Variants in ABCA9 observed in about 807,000 individuals in gnomAD.
The protein encoded by ABCA9 is ATP-binding cassette sub-family A member 9.
Under a neutral mutation model 205.3 loss-of-function variants are expected in ABCA9, and 183 were observed. The ratio of observed to expected loss-of-function variants is 0.89; its 90% CI spans 0.79 to 1.01. The LOEUF (loss-of-function observed/expected upper bound fraction) is 1.01. Ranked by LOEUF, ABCA9 falls within the 50% of genes least tolerant of loss-of-function variation. The pLI is 0.00. For synonymous variants in ABCA9, 651 were observed against 683.3 expected, an observed-to-expected ratio of 0.95 and a Z score of 0.74; for missense variants, 1,805 against 1,912.4, an observed-to-expected ratio of 0.94 and a Z score of 1.05.
At chr17:69,044,676 T>C (rs2071652983) in intron 4 of ABCA9, 76 bp from the exon 5 acceptor site, 1 of 1,346,004 alleles carries the variant, frequency 7.4e-7, no homozygotes, top group African/African-American at 1.5e-5. Context: ...TTTCAAATGT[T>C]TCAAAATGCA....
At position 69,021,694 on chromosome 17, in the gene ABCA9, T is replaced by C. The variant is rs536108890; in HGVS notation, c.2401+48A>G. On this transcript the variant is annotated intron_variant, in intron 18 of 38. Coordinates refer to ENST00000340001, the MANE Select transcript of ABCA9 (RefSeq NM_080283.4). ...CTTTCTTTCGTCCTTCCTTCCTTCCTTCCTTTCTTTCTTTCTCCCTTTCTT... is the reference window on the plus strand; with the variant it reads ...CTTTCTTTCGTCCTTCCTTCCTTCCCTCCTTTCTTTCTTTCTCCCTTTCTT... 3.8e-5 allele frequency: 48 copies of C among 1,270,946 alleles called. No individual in the cohort carries two copies. The African/African-American group carries it at 6.6e-4, about 18-fold the overall frequency. 78.7% of individuals were successfully genotyped at this position (1,270,946 alleles called of 1,614,324 possible). A position where few individuals can be genotyped will look rare whatever the true frequency, so the allele number is the denominator to read the frequency against.
intron 31 of ABCA9, among the ~76,000 whole-genome samples, chr17:68,987,954 G>A (rs146593429): frequency 6.6e-6 from 1 of 152,234 alleles, no homozygotes; most frequent in African/African-American, 2.4e-5. Flanking sequence ...GGTAGAGATG[G>A]TGCTTCTCCA....
chr17:68,977,249 C>T (rs1167596991), intron 37 of ABCA9, among the ~76,000 whole-genome samples: 2 of 152,028 alleles, frequency 1.3e-5, no homozygotes, highest in Non-Finnish European at 2.9e-5. Flanking sequence ...GGATGCATCA[C>T]CCACCCCGGG....
In ABCA9 at chr17:69,043,816, G is replaced by A. The variant is rs1463247647; in HGVS notation, c.574-101C>T. 1.4e-5 allele frequency: 14 copies of A among 1,030,070 alleles called. No homozygotes were observed. In the Admixed American group the frequency reaches 3.6e-4, roughly 27 times the overall value. The allele number at this position is 1,030,070 out of a possible 1,614,324, so 63.8% of individuals were successfully genotyped here. On this transcript the variant is annotated intron_variant, in intron 5 of 38. Transcript: ENST00000340001. Reference sequence around the variant, plus strand: ...GGAATCACGTACATTCTACATTTATGTATTTTATGTTTATATGCCCTTCAT... The same window carrying A: ...GGAATCACGTACATTCTACATTTATATATTTTATGTTTATATGCCCTTCAT...
In ABCA9 at chr17:68,982,593, AG is replaced by A; in HGVS notation, c.4688del (p.Pro1563LeufsTer9). On this transcript the variant is annotated frameshift_variant, in exon 37 of 39. Transcript: ENST00000340001. LOFTEE classifies it high-confidence loss of function. ...CTAATTTGAAGAAAGCCTGTGATAA[AG>A]GTCGCACATCCTCAACAGGCAACTT... ...VYKLPVEDVRPLSQAFFKLEI... is the reference protein window; with the variant it reads ...VYKLPVEDVRXLSQAFFKLEI... 3 of 1,614,100 alleles carry A rather than the reference AG, an allele frequency of 1.9e-6. No homozygotes were observed. The East Asian group carries it at 6.7e-5, about 36-fold the overall frequency.
upstream of ABCA9, among the ~76,000 whole-genome samples, chr17:69,063,832 A>G (rs556085216): frequency 5.9e-5 from 9 of 152,304 alleles, no homozygotes; most frequent in African/African-American, 2.2e-4. Context: ...TCGGCCTCCC[A>G]AAGTGTTGGG....
At chr17:68,996,798 T>G (rs988723467) in intron 25 of ABCA9, among the ~76,000 whole-genome samples, 6 of 152,362 alleles carry the variant, frequency 3.9e-5, no homozygotes, top group Middle Eastern at 3.4e-3. Flanking sequence ...GTTACTATTT[T>G]CTTTATATTA....
intron 19 of ABCA9, 123 bp from the exon 20 acceptor site, chr17:69,018,702 C>A (rs1456389439): frequency 6.8e-6 from 5 of 733,254 alleles, no homozygotes; most frequent in Non-Finnish European, 8.4e-6. Context: ...ACATTTGAAT[C>A]ATACTTTGCC....
At chr17:69,003,149 G>A (rs1267267891) in intron 25 of ABCA9, among the ~76,000 whole-genome samples, 8 of 151,172 alleles carry the variant, frequency 5.3e-5, no homozygotes, top group African/African-American at 2.0e-4. Context: ...TGTGAATTTG[G>A]TCCTGTCATT....
chr17:68,984,847 A>G (rs1187336425), intron 34 of ABCA9, 38 bp downstream of exon 34: 3 of 1,613,750 alleles, frequency 1.9e-6, no homozygotes, highest in Non-Finnish European at 1.7e-6. Context: ...CACAGGATCA[A>G]TACACTCATG....
In ABCA9 at chr17:69,049,476, T is replaced by C; in HGVS notation, c.111A>G (p.Ser37=). ...GGTACAGAAACAGTACCAGAAGAAA[T>C]GAAAAGAGCCATTCCTATATAGCAA... ...KRQTLLEWLF[S]FLLVLFLYLF... The change falls in exon 3 of 39, where the codon TCA becomes TCG. Residue 37 remains serine, a synonymous_variant. Transcript: ENST00000340001. 6 of 1,609,848 alleles carry C rather than the reference T, an allele frequency of 3.7e-6. No homozygotes were observed. The highest frequency in any genetic ancestry group is 4.2e-6 in the Non-Finnish European group (5 of 1,178,022).
intron 6 of ABCA9, among the ~76,000 whole-genome samples, chr17:69,037,708 C>T: frequency 6.6e-6 from 1 of 151,848 alleles, no homozygotes; most frequent in East Asian, 1.9e-4. Flanking sequence ...CACAAAATAA[C>T]TAAGATCAGA....
In ABCA9 at chr17:69,049,433, G is replaced by A. The variant is rs765128505; in HGVS notation, c.154C>T (p.His52Tyr). Residue 52 changes from histidine (H) to tyrosine (Y), a missense_variant, in exon 3 of 39, where the codon CAT becomes TAT. His to Tyr is a moderately conservative substitution (Grantham distance 83). Coordinates refer to ENST00000340001, the MANE Select transcript of ABCA9 (RefSeq NM_080283.4). ...LFLYLFFSNL[H>Y]QVHDTPQMSS... ...ATTTGAGGAGTGTCATGAACTTGAT[G>A]TAAATTGGAGAAAAATAGGTACAGA... is the stretch of plus-strand genomic sequence containing the variant. The A allele has an allele frequency of 2.7e-5, 43 of 1,613,002 alleles. No individual in the cohort carries two copies. The highest frequency in any genetic ancestry group is 5.3e-5 in the African/African-American group (4 of 74,860).
intron 25 of ABCA9, among the ~76,000 whole-genome samples, chr17:68,997,493 A>T (rs764191292): frequency 6.7e-6 from 1 of 150,154 alleles, no homozygotes; most frequent in Non-Finnish European, 1.5e-5. Context: ...TGCTTTTGCA[A>T]TTTTTCTTTT....
upstream of ABCA9, among the ~76,000 whole-genome samples, chr17:69,065,791 C>T (rs186606210): frequency 8.3e-4 from 126 of 152,258 alleles, 4 homozygotes; most frequent in East Asian, 0.014. Flanking sequence ...TTCCCATAAT[C>T]CCCATGTGTC....
chr17:69,063,700 G>A (rs1390890165), upstream of ABCA9, among the ~76,000 whole-genome samples: 1 of 152,026 alleles, frequency 6.6e-6, no homozygotes, highest in Non-Finnish European at 1.5e-5. Flanking sequence ...AGCCTCCCAA[G>A]TAGCTGGAAC....
chr17:69,067,068 C>T, the ABCA9 span, among the ~76,000 whole-genome samples: 14 of 151,760 alleles, frequency 9.2e-5, no homozygotes, highest in African/African-American at 1.5e-4. Context: ...AGAGAAAAGC[C>T]GTACTTATGG....
rs748521679 is a variant in ABCA9, at chr17:69,016,358, T to C, written c.2934A>G (p.Lys978=). 10 of 1,602,592 alleles carry C rather than the reference T, an allele frequency of 6.2e-6. No homozygotes were observed. In the African/African-American group the frequency reaches 1.2e-4, roughly 19 times the overall value. Reference sequence around the variant, plus strand: ...GGAGGACAGGAAAGCAATTCAGCCGTTTTGTATTACATGCTATTGAAAATC... The same window carrying C: ...GGAGGACAGGAAAGCAATTCAGCCGCTTTGTATTACATGCTATTGAAAATC... ...DHRFSIACNT[K]RLNCFPVLLD... Residue 978 remains lysine, a synonymous_variant, in exon 22 of 39, where the codon AAA becomes AAG. Coordinates refer to ENST00000340001, the MANE Select transcript of ABCA9 (RefSeq NM_080283.4).
the ABCA9 span, among the ~76,000 whole-genome samples, chr17:69,067,894 AAG>A: frequency 6.6e-6 from 1 of 152,198 alleles, no homozygotes; most frequent in Non-Finnish European, 1.5e-5. Context: ...CATAAAAACA[AAG>A]AGTTTATTTT....
Sources: gnomAD v4.1 joint callset for allele counts (sites outside exome capture counted in the v4.1 genomes callset) on GRCh38, gnomAD v4.1.1 for gene constraint, MANE v1.5 for transcripts, NCBI Gene and HGNC (gene_info 2026-07-23, HGNC 2026-07-21) for gene names.